Variants in EOLA1 observed in about 807,000 individuals in gnomAD.
EOLA1 encodes endothelium and lymphocyte associated ASCH domain 1.
In EOLA1, 1 loss-of-function variant was observed where a neutral mutation model predicts 4.5. The observed-to-expected ratio is 0.22, with a 90% CI of 0.08 to 1.05. The LOEUF (loss-of-function observed/expected upper bound fraction) is 1.05. EOLA1 is among the 50% of genes least tolerant of loss of function. The pLI, the probability that EOLA1 is intolerant of heterozygous loss-of-function variation, is 0.57. For missense variants in EOLA1, 69 were observed against 127.2 expected (o/e 0.54, Z 2.20); for synonymous variants, 37 against 52.3 (o/e 0.71, Z 1.26).
In EOLA1 at chrX:149,548,060, T is replaced by G. The variant is rs201525138; in HGVS notation, c.*1098T>G. 1 of 133,565 alleles carries G rather than the reference T, an allele frequency of 7.5e-6. No homozygotes were observed. The highest frequency in any genetic ancestry group is 3.5e-5 in the African/African-American group (1 of 28,328). 11.0% of individuals were successfully genotyped at this position (133,565 alleles called of 1,213,427 possible). A position where few individuals can be genotyped will look rare whatever the true frequency, so the allele number is the denominator to read the frequency against. ...TTGGCCTCGACACTTCCTAGCAACA[T>G]CCTTTGCTGAGTGTGTGAAAATGCT... On this transcript the variant is annotated 3_prime_UTR_variant, in exon 5 of 5. Transcript: ENST00000393985.
rs1470661113 is a variant in EOLA1, at chrX:149,545,467, C to T, written c.-63C>T. ...CCCTTGGGCCTGCTGTGGTGCTGGACATCAGTGACAGACGGAAGCAGGAGA... is the reference window on the plus strand; with the variant it reads ...CCCTTGGGCCTGCTGTGGTGCTGGATATCAGTGACAGACGGAAGCAGGAGA... On this transcript the variant is annotated 5_prime_UTR_variant, in exon 3 of 5. Coordinates refer to ENST00000393985, the MANE Select transcript of EOLA1 (RefSeq NM_001171907.3). The T allele has an allele frequency of 2.7e-6, 3 of 1,101,437 alleles. No individual in the cohort carries two copies. The highest frequency in any genetic ancestry group is 3.6e-6 in the Non-Finnish European group (3 of 842,829). The allele number at this position is 1,101,437 out of a possible 1,213,427, so 90.8% of individuals were successfully genotyped here.
rs781937700 is a variant in EOLA1, at chrX:149,546,987, G to A, written c.*25G>A. On this transcript the variant is annotated 3_prime_UTR_variant, in exon 5 of 5. Transcript: ENST00000393985. ...ACAAGTGTGGGCTCCTGAAAGGAAT[G>A]TTCCAGAGAAACCAGCTAAATCATG... 2 of 1,204,465 alleles carry A rather than the reference G, an allele frequency of 1.7e-6. No individual in the cohort carries two copies. The highest frequency in any genetic ancestry group is 4.4e-5 in the Admixed American group (2 of 45,374).
rs140074857 is a variant in EOLA1 at position 149,545,852 on chromosome X, A to G, written c.222A>G (p.Lys74=). 6.2e-4 allele frequency: 746 copies of G among 1,208,210 alleles called. 4 individuals carry two copies. The African/African-American group carries it at 0.012, about 19-fold the overall frequency. ...TPAQIQALLR[K]GEKFGRGVIA... Reference sequence around the variant, plus strand: ...CTCAGATTCAGGCCTTGCTCAGGAAAGGGGAAAAGTTTGGTCGAGGAGTGA... The same window carrying G: ...CTCAGATTCAGGCCTTGCTCAGGAAGGGGGAAAAGTTTGGTCGAGGAGTGA... Residue 74 remains lysine, a synonymous_variant, in exon 4 of 5, where the codon AAA becomes AAG. Transcript: ENST00000393985.
Position 149,545,598 on chromosome X carries a change from G to A in EOLA1, c.-29-4G>A, listed in dbSNP as rs376367802. On this transcript the variant is annotated splice_polypyrimidine_tract_variant and splice_region_variant and intron_variant, in intron 3 of 4. Coordinates refer to ENST00000393985, the MANE Select transcript of EOLA1 (RefSeq NM_001171907.3). Reference sequence around the variant, plus strand: ...GCGTGTGATGCGCTTCTGTGCTTCCGCAGGCTACGGGAGGCCCGGGGCGCT... The same window carrying A: ...GCGTGTGATGCGCTTCTGTGCTTCCACAGGCTACGGGAGGCCCGGGGCGCT... The A allele has an allele frequency of 6.1e-5, 73 of 1,194,012 alleles. No individual in the cohort carries two copies. In the Middle Eastern group the frequency reaches 3.3e-3, roughly 53 times the overall value.
chrX:149,540,994 C>T (rs41302150), upstream of EOLA1: 17,877 of 112,588 alleles, frequency 0.16, 1,150 homozygotes, highest in Non-Finnish European at 0.19. Context: ...AAAGGGATGA[C>T]GGGAGCTGTA....
chrX:149,542,423 G>A (rs1441962230), intron 2 of EOLA1, among the ~76,000 whole-genome samples: 1 of 108,588 alleles, frequency 9.2e-6, no homozygotes, highest in African/African-American at 3.4e-5. Context: ...GAGGGTACAC[G>A]GGTGAGTCTT....
At chrX:149,548,460 A>T, downstream of EOLA1, 4 of 933,461 alleles carry the variant, frequency 4.3e-6, no homozygotes, top group Non-Finnish European at 5.3e-6. Flanking sequence ...AGAGCATAGT[A>T]ACAGATATTG....
intron 2 of EOLA1, among the ~76,000 whole-genome samples, chrX:149,543,506 T>C (rs1478747659): frequency 1.5e-5 from 1 of 64,517 alleles, no homozygotes; most frequent in African/African-American, 6.4e-5. Flanking sequence ...GGGGTGGGGG[T>C]GCTATCAGGA....
chrX:149,547,032 A>C lies in EOLA1; in HGVS notation c.*70A>C, dbSNP rs7379. On this transcript the variant is annotated 3_prime_UTR_variant, in exon 5 of 5. Transcript: ENST00000393985. Reference sequence around the variant, plus strand: ...ATCATGACACCTTCAATTTGCCATCATGACGCAGACCTGTATACATTAGGT... The same window carrying C: ...ATCATGACACCTTCAATTTGCCATCCTGACGCAGACCTGTATACATTAGGT... 27 of 1,198,881 alleles carry C rather than the reference A, an allele frequency of 2.3e-5. No homozygotes were observed. Among genetic ancestry groups the C allele is most frequent in the South Asian group, 1.7e-4 (9 of 54,508 alleles).
chrX:149,541,735 A>G (rs781832210), intron 1 of EOLA1: 6 of 750,262 alleles, frequency 8.0e-6, no homozygotes, highest in Non-Finnish European at 9.4e-6. Flanking sequence ...CTTCGAATGG[A>G]GCATGCTTGG....
rs190252105 is a variant in EOLA1, at chrX:149,544,479, G to A, written c.-162-889G>A. ...AGTTCAGGGCCGGGGGCGGGGCCAC[G>A]GGCCTGAGGGGTGAGGGCAGCCACT... is the stretch of plus-strand genomic sequence containing the variant. On this transcript the variant is annotated intron_variant, in intron 2 of 4. Coordinates refer to ENST00000393985, the MANE Select transcript of EOLA1 (RefSeq NM_001171907.3). The A allele has an allele frequency of 1.2e-4, 91 of 746,032 alleles. No homozygotes were observed. The East Asian group carries it at 0.011, about 93-fold the overall frequency. 61.5% of individuals were successfully genotyped at this position (746,032 alleles called of 1,213,427 possible). A position where few individuals can be genotyped will look rare whatever the true frequency, so the allele number is the denominator to read the frequency against.
chrX:149,542,218 C>T (rs1277107201), intron 2 of EOLA1, 133 bp downstream of exon 2: 2 of 148,372 alleles, frequency 1.3e-5, no homozygotes, highest in Non-Finnish European at 2.3e-5. Flanking sequence ...AGAAACTGGG[C>T]GGCAGAAAAG....
At chrX:149,540,789 ATCAGGG>A (rs2089714987), upstream of EOLA1, 1 of 111,835 alleles carries the variant, frequency 8.9e-6, no homozygotes, top group South Asian at 3.7e-4. Context: ...GCTGGCGCGC[ATCAGGG>A]CCAGGTAAAG....
In EOLA1 at chrX:149,544,531, C is replaced by T. The variant is rs782070729; in HGVS notation, c.-162-837C>T. The stretch of plus-strand genomic sequence containing the variant: ...TTTCTGACTGTTCTATTAGGTGCCA[C>T]GTACTGGGCTGGGTGCTCTTGGTGC... On this transcript the variant is annotated intron_variant, in intron 2 of 4. Coordinates refer to ENST00000393985, the MANE Select transcript of EOLA1 (RefSeq NM_001171907.3). 6.5e-5 allele frequency: 49 copies of T among 750,472 alleles called. No homozygotes were observed. The South Asian group carries it at 2.5e-3, about 39-fold the overall frequency. 61.8% of individuals were successfully genotyped at this position (750,472 alleles called of 1,213,427 possible).
chrX:149,549,080 C>T (rs1468426197), downstream of EOLA1, among the ~76,000 whole-genome samples: 1 of 110,836 alleles, frequency 9.0e-6, no homozygotes, highest in African/African-American at 3.3e-5. Flanking sequence ...TAGATCAAGG[C>T]AGTAATATAT....
Position 149,545,823 on chromosome X carries a change from C to T in EOLA1, c.193C>T (p.Pro65Ser). ...ELLVERLGMT[P>S]AQIQALLRKG... ...GCTGGTGGAGAGACTCGGGATGACTCCTGCTCAGATTCAGGCCTTGCTCAG... is the reference window on the plus strand; with the variant it reads ...GCTGGTGGAGAGACTCGGGATGACTTCTGCTCAGATTCAGGCCTTGCTCAG... The change falls in exon 4 of 5, where the codon CCT becomes TCT. Residue 65 changes from proline to serine, a missense_variant. Physicochemically the swap from Pro to Ser is moderately conservative, Grantham distance 74. Transcript: ENST00000393985. The T allele has an allele frequency of 8.3e-7, 1 of 1,211,429 alleles. No homozygotes were observed. Among genetic ancestry groups the T allele is most frequent in the Middle Eastern group, 2.3e-4 (1 of 4,348 alleles).
intron 1 of EOLA1, chrX:149,541,632 C>A: frequency 6.9e-6 from 2 of 289,179 alleles, no homozygotes; most frequent in Non-Finnish European, 9.4e-6. Flanking sequence ...CCGTGCTCAG[C>A]GTGACCTACC....
intron 2 of EOLA1, 199 bp from the exon 3 acceptor site, chrX:149,545,169 A>T (rs2089814965): frequency 2.1e-6 from 1 of 466,250 alleles, no homozygotes; most frequent in Non-Finnish European, 2.6e-6. Context: ...CACTGAGAGT[A>T]TTGGCAGGGC....
upstream of EOLA1, chrX:149,540,981 G>GT (rs1433294068): frequency 7.9e-5 from 9 of 113,213 alleles, no homozygotes; most frequent in Non-Finnish European, 1.7e-4. Context: ...TACGTTCTTC[G>GT]TGAAAGGGAT....
Sources: allele counts gnomAD v4.1 joint callset (sites outside exome capture counted in the v4.1 genomes callset), GRCh38; gene constraint gnomAD v4.1.1; transcripts MANE v1.5; gene names NCBI Gene and HGNC (gene_info 2026-07-23, HGNC 2026-07-21).